The following LIN9 variants were observed in gnomAD, a reference collection of about 807,000 sequenced individuals.
LIN9 encodes protein lin-9 homolog.
In LIN9, 18 loss-of-function variants were observed where a neutral mutation model predicts 78.0. The observed-to-expected ratio is 0.23, with a 90% CI of 0.16 to 0.34. The LOEUF (loss-of-function observed/expected upper bound fraction) is 0.34, where lower values mean the gene tolerates loss of function less well. Ranked by LOEUF, LIN9 falls within the 10% of genes least tolerant of loss-of-function variation. The pLI, the probability that LIN9 is intolerant of heterozygous loss-of-function variation, is 1.00. For missense variants in LIN9, 451 were observed against 644.1 expected, an observed-to-expected ratio of 0.70 and a Z score of 3.25; for synonymous variants, 192 against 215.2, an observed-to-expected ratio of 0.89 and a Z score of 0.94.
chr1:226,232,872 T>C (rs577005992), intron 14 of LIN9: 5 of 496,156 alleles, frequency 1.0e-5, no homozygotes, highest in Non-Finnish European at 1.7e-5. Flanking sequence ...TCAACCTCCA[T>C]GCTGACCCCA....
At chr1:226,267,240 T>C (rs932808074) in intron 8 of LIN9, among the ~76,000 whole-genome samples, 1 of 147,246 alleles carries the variant, frequency 6.8e-6, no homozygotes. Flanking sequence ...GATATATATA[T>C]ATATATATAT....
chr1:226,298,171 C>T (rs1323789286), intron 2 of LIN9, among the ~76,000 whole-genome samples: 1 of 152,164 alleles, frequency 6.6e-6, no homozygotes, highest in East Asian at 1.9e-4. Context: ...ATGGAAAAAG[C>T]CTTTTCTAAC....
intron 11 of LIN9, among the ~76,000 whole-genome samples, chr1:226,245,751 C>A (rs11585469): frequency 6.6e-6 from 1 of 152,106 alleles, no homozygotes; most frequent in Non-Finnish European, 1.5e-5. Flanking sequence ...CTGTGTGCCA[C>A]CACGCCTGGC....
At chr1:226,296,916 A>T (rs1192893420) in intron 3 of LIN9, among the ~76,000 whole-genome samples, 1 of 152,072 alleles carries the variant, frequency 6.6e-6, no homozygotes, top group Non-Finnish European at 1.5e-5. Context: ...CCCAGCTACT[A>T]GGGAGGCTGA....
At chr1:226,267,828 G>A (rs1261156349) in intron 8 of LIN9, 129 bp downstream of exon 8, 1 of 936,236 alleles carries the variant, frequency 1.1e-6, no homozygotes, top group Non-Finnish European at 1.6e-6. Context: ...ATAGGGCTGG[G>A]GTCCCCTAAG....
At chr1:226,280,412 G>A (rs1660972108) in intron 6 of LIN9, among the ~76,000 whole-genome samples, 1 of 152,152 alleles carries the variant, frequency 6.6e-6, no homozygotes, top group South Asian at 2.1e-4. Flanking sequence ...GATTCAAGCA[G>A]TATATATGGG....
intron 8 of LIN9, among the ~76,000 whole-genome samples, chr1:226,267,077 G>A (rs895857942): frequency 6.6e-6 from 1 of 151,764 alleles, no homozygotes; most frequent in Non-Finnish European, 1.5e-5. Flanking sequence ...ACCGCGCCTG[G>A]CCAATTTACT....
At chr1:226,309,082 G>T (rs150969195) in intron 1 of LIN9, 27 bp downstream of exon 1, 39 of 1,310,066 alleles carry the variant, frequency 3.0e-5, no homozygotes, top group East Asian at 8.5e-5. Context: ...GCGGGAAAAG[G>T]GGGGGGTGCT....
intron 12 of LIN9, among the ~76,000 whole-genome samples, chr1:226,234,268 T>A (rs1558149780): frequency 6.6e-6 from 1 of 152,230 alleles, no homozygotes; most frequent in Non-Finnish European, 1.5e-5. Context: ...TGTTGATGAT[T>A]CTTGTCTATA....
chr1:226,262,327 A>C (rs1659641767), intron 10 of LIN9, among the ~76,000 whole-genome samples: 1 of 152,236 alleles, frequency 6.6e-6, no homozygotes, highest in South Asian at 2.1e-4. Context: ...GACATTGTAA[A>C]GAGAATGAAA....
In LIN9 at chr1:226,289,840, G is replaced by GGT. The variant is rs1553283409; in HGVS notation, c.265-2044_265-2043insAC. Among the ~76,000 whole-genome samples the GGT allele has an allele frequency of 4.6e-5, 3 of 65,698 alleles. 1 individual carries two copies. The highest frequency in any genetic ancestry group is 1.7e-4 in the African/African-American group (3 of 18,064). The allele number at this position is 65,698 out of a possible 152,430, so 43.1% of individuals were successfully genotyped here. A position where few individuals can be genotyped will look rare whatever the true frequency, so the allele number is the denominator to read the frequency against. ...GGACAACTAAGTAGTCCTCCGGGGGGGGGGGTGGGGGGGGGTGGGAAAGCT... is the reference window on the plus strand; with the variant it reads ...GGACAACTAAGTAGTCCTCCGGGGGGGTGGGGGTGGGGGGGGGTGGGAAAGCT... On this transcript the variant is annotated intron_variant, in intron 4 of 14. Coordinates refer to ENST00000681046, the MANE Select transcript of LIN9 (RefSeq NM_001366245.2).
chr1:226,281,734 C>G (rs901315783), intron 6 of LIN9, among the ~76,000 whole-genome samples: 1 of 149,458 alleles, frequency 6.7e-6, no homozygotes, highest in Non-Finnish European at 1.5e-5. Flanking sequence ...CGCTCTGTTG[C>G]CCAGGCTGGA....
At chr1:226,250,970 T>C (rs777994265) in intron 10 of LIN9, 51 bp from the exon 11 acceptor site, 53 of 879,308 alleles carry the variant, frequency 6.0e-5, no homozygotes, top group Admixed American at 1.1e-4. Context: ...TTTAGGTATA[T>C]TGGTTAGACA....
intron 2 of LIN9, among the ~76,000 whole-genome samples, chr1:226,298,713 T>C (rs1662318086): frequency 6.6e-6 from 1 of 151,924 alleles, no homozygotes; most frequent in South Asian, 2.1e-4. Context: ...ATACAAAAAT[T>C]AGCTGGGCAT....
At chr1:226,258,175 A>AAAACAAACAAAC (rs145801833) in intron 10 of LIN9, among the ~76,000 whole-genome samples, 50 of 149,216 alleles carry the variant, frequency 3.4e-4, no homozygotes, top group African/African-American at 1.1e-3. Flanking sequence ...CCTGTTCTCA[A>AAAACAAACAAAC]AAACAAACAA....
rs1271500449 is a variant in LIN9 at position 226,261,474 on chromosome 1, T to C, written c.1038+4059A>G. Among the ~76,000 whole-genome samples the C allele has an allele frequency of 3.3e-5, 5 of 152,102 alleles. No individual in the cohort carries two copies. In the East Asian group the frequency reaches 7.7e-4, roughly 23 times the overall value. ...TACAAAGTTAACATACAAAAGTCAA[T>C]TGCTTTGTCAAACAATAAACAATTA... On this transcript the variant is annotated intron_variant, in intron 10 of 14. Coordinates refer to ENST00000681046, the MANE Select transcript of LIN9 (RefSeq NM_001366245.2).
In LIN9 at chr1:226,295,852, A is replaced by G. The variant is rs751106215; in HGVS notation, c.254T>C (p.Met85Thr). Residue 85 changes from methionine to threonine, a missense_variant, in exon 4 of 15, where the codon ATG becomes ACG. Coordinates refer to ENST00000681046, the MANE Select transcript of LIN9 (RefSeq NM_001366245.2). The part of the protein sequence containing the change: ...RSPKRNQRVA[M>T]VPQKFTATMS... ...TTAGCACACACATACCTGTGGAACCATTGCAACCCTCTGGTTTCTTTTAGG... is the reference window on the plus strand; with the variant it reads ...TTAGCACACACATACCTGTGGAACCGTTGCAACCCTCTGGTTTCTTTTAGG... 1.9e-6 allele frequency: 3 copies of G among 1,609,872 alleles called. No individual in the cohort carries two copies. In the Admixed American group the frequency reaches 5.1e-5, roughly 27 times the overall value.
chr1:226,302,988 C>T (rs1352406383), intron 1 of LIN9, among the ~76,000 whole-genome samples: 2 of 151,976 alleles, frequency 1.3e-5, no homozygotes, highest in African/African-American at 4.8e-5. Flanking sequence ...ACTCTCTTGC[C>T]CAGATGTGAA....
intron 4 of LIN9, among the ~76,000 whole-genome samples, chr1:226,289,754 T>C (rs1240809848): frequency 6.9e-6 from 1 of 145,196 alleles, no homozygotes; most frequent in African/African-American, 2.6e-5. Flanking sequence ...AATTTAGCTT[T>C]GATGAAGGCA....
Sources: allele counts gnomAD v4.1 joint callset (sites outside exome capture counted in the v4.1 genomes callset), GRCh38; gene constraint gnomAD v4.1.1; transcripts MANE v1.5; gene names NCBI Gene and HGNC (gene_info 2026-07-23, HGNC 2026-07-21).